The following ADCY8 variants were observed in gnomAD, a reference collection of about 807,000 sequenced individuals.
The protein encoded by ADCY8 is adenylate cyclase 8.
Under a neutral mutation model 119.7 loss-of-function variants are expected in ADCY8, and 51 were observed. The observed-to-expected ratio is 0.43, with a 90% CI of 0.34 to 0.54. ADCY8 has a LOEUF of 0.54. Among genes scored for constraint, ADCY8 ranks in the 20% least tolerant of loss-of-function variants. The probability of loss-of-function intolerance (pLI) is 0.03; values close to 1 mark genes in which losing one functional copy is unlikely to be tolerated. For synonymous variants in ADCY8, 665 were observed against 651.0 expected, an observed-to-expected ratio of 1.02 and a Z score of -0.33; for missense variants, 1,383 against 1,598.8, an observed-to-expected ratio of 0.87 and a Z score of 2.30.
At chr8:130,877,145 C>T (rs1818597211) in intron 8 of ADCY8, among the ~76,000 whole-genome samples, 1 of 152,148 alleles carries the variant, frequency 6.6e-6, no homozygotes, top group African/African-American at 2.4e-5. Flanking sequence ...CAGCAAATAC[C>T]AGTTTCCTTG....
chr8:130,795,498 C>T (rs1427168359), intron 15 of ADCY8, among the ~76,000 whole-genome samples: 1 of 152,212 alleles, frequency 6.6e-6, no homozygotes, highest in Non-Finnish European at 1.5e-5. Context: ...CTCACTGATT[C>T]CCAAGTCTAA....
intron 16 of ADCY8, among the ~76,000 whole-genome samples, chr8:130,784,177 T>G (rs1277867817): frequency 6.6e-6 from 1 of 151,878 alleles, no homozygotes; most frequent in Non-Finnish European, 1.5e-5. Context: ...TGAGTGTATG[T>G]GGGTATGGGT....
At chr8:130,931,754 T>C (rs1462007041) in intron 5 of ADCY8, among the ~76,000 whole-genome samples, 1 of 152,180 alleles carries the variant, frequency 6.6e-6, no homozygotes, top group Non-Finnish European at 1.5e-5. Flanking sequence ...TCATTTTGGT[T>C]ATTATATTTT....
chr8:131,035,554 G>T (rs1029025574), intron 1 of ADCY8, among the ~76,000 whole-genome samples: 1 of 152,070 alleles, frequency 6.6e-6, no homozygotes, highest in Non-Finnish European at 1.5e-5. Context: ...ATAAACACAG[G>T]GCTTTGTCTC....
intron 2 of ADCY8, among the ~76,000 whole-genome samples, chr8:130,988,870 C>A (rs182007432): frequency 1.3e-5 from 2 of 152,222 alleles, no homozygotes; most frequent in African/African-American, 4.8e-5. Flanking sequence ...ATCATAAACA[C>A]GAAATAAGAG....
chr8:130,922,208 CTTT>C (rs751799584), intron 5 of ADCY8, among the ~76,000 whole-genome samples: 3 of 129,030 alleles, frequency 2.3e-5, no homozygotes, highest in Admixed American at 7.9e-5. Context: ...AATTCCCTTT[CTTT>C]TTTTTTTTTT....
At chr8:130,800,650 G>T in intron 14 of ADCY8, 78 bp from the exon 15 acceptor site, 1 of 1,506,630 alleles carries the variant, frequency 6.6e-7, no homozygotes, top group Non-Finnish European at 9.2e-7. Flanking sequence ...GTGCACACAT[G>T]TGGGTACACA....
intron 1 of ADCY8, among the ~76,000 whole-genome samples, chr8:131,012,966 G>A (rs1011472661): frequency 2.0e-5 from 3 of 152,126 alleles, no homozygotes; most frequent in African/African-American, 7.2e-5. Flanking sequence ...ACTAACAAAT[G>A]TGCATTACCC....
chr8:130,992,431 T>TATATA (rs1822624325), intron 1 of ADCY8, among the ~76,000 whole-genome samples: 1 of 26,960 alleles, frequency 3.7e-5, no homozygotes, highest in Non-Finnish European at 6.9e-5. Flanking sequence ...ATATATATAT[T>TATATA]TGAGATAGGG....
chr8:131,011,248 G>C (rs1823293391), intron 1 of ADCY8, among the ~76,000 whole-genome samples: 2 of 152,090 alleles, frequency 1.3e-5, no homozygotes, highest in South Asian at 4.2e-4. Flanking sequence ...TTCTGAGAAG[G>C]CTCCTCATGT....
At chr8:130,948,850 G>T (rs1056986650) in intron 3 of ADCY8, among the ~76,000 whole-genome samples, 6 of 152,006 alleles carry the variant, frequency 3.9e-5, no homozygotes, top group Admixed American at 6.5e-5. Flanking sequence ...TGCTTTCAAG[G>T]CTCCGGTCTT....
chr8:130,810,347 TACACACACACAC>T (rs58781726), intron 14 of ADCY8, among the ~76,000 whole-genome samples: 27 of 142,652 alleles, frequency 1.9e-4, no homozygotes, highest in African/African-American at 4.2e-4. Flanking sequence ...TCTCTTTTTC[TACACACACACAC>T]ACACACACAC....
chr8:130,990,599 A>AGC (rs1822547991), intron 1 of ADCY8, 57 bp from the exon 2 acceptor site: 8 of 1,576,610 alleles, frequency 5.1e-6, no homozygotes, highest in Non-Finnish European at 6.9e-6. Flanking sequence ...ACAAGCAACA[A>AGC]TAAAATACAC....
chr8:130,784,544 C>T (rs1815191715), intron 16 of ADCY8, among the ~76,000 whole-genome samples: 1 of 152,104 alleles, frequency 6.6e-6, no homozygotes, highest in Non-Finnish European at 1.5e-5. Flanking sequence ...GTTTGTCGAC[C>T]ATATGGTCTT....
chr8:131,007,448 G>C (rs1823156873), intron 1 of ADCY8, among the ~76,000 whole-genome samples: 1 of 152,170 alleles, frequency 6.6e-6, no homozygotes, highest in African/African-American at 2.4e-5. Context: ...GGCATATATA[G>C]TAGTGGAGGC....
intron 1 of ADCY8, among the ~76,000 whole-genome samples, chr8:131,031,781 A>AT (rs755722140): frequency 3.0e-4 from 46 of 151,550 alleles, no homozygotes; most frequent in Non-Finnish European, 5.2e-4. Context: ...TAAATTTCTG[A>AT]TTTTTTTTTA....
intron 1 of ADCY8, among the ~76,000 whole-genome samples, chr8:131,010,553 C>T (rs1026740455): frequency 6.6e-6 from 1 of 151,782 alleles, no homozygotes; most frequent in African/African-American, 2.4e-5. Flanking sequence ...AAAACAGATA[C>T]ACAAATAAGG....
intron 5 of ADCY8, among the ~76,000 whole-genome samples, chr8:130,926,608 C>A (rs1433036054): frequency 2.6e-5 from 4 of 152,052 alleles, no homozygotes; most frequent in Non-Finnish European, 5.9e-5. Context: ...CACATGACAT[C>A]CAGTCTCTTA....
At chr8:130,903,049 C>A (rs998165975) in intron 7 of ADCY8, among the ~76,000 whole-genome samples, 1 of 152,172 alleles carries the variant, frequency 6.6e-6, no homozygotes, top group African/African-American at 2.4e-5. Flanking sequence ...CCTTGGTTCT[C>A]GACCTGGCTC....
Sources: gnomAD v4.1 joint callset for allele counts (sites outside exome capture counted in the v4.1 genomes callset) on GRCh38, gnomAD v4.1.1 for gene constraint, MANE v1.5 for transcripts, NCBI Gene and HGNC (gene_info 2026-07-23, HGNC 2026-07-21) for gene names.